Variants in RPSA2 observed in about 807,000 individuals in gnomAD.
RPSA2 encodes the protein ribosomal protein SA 2.
At chr19:23,775,548 G>A in the RPSA2 span, among the ~76,000 whole-genome samples, 1 of 152,148 alleles carries the variant, frequency 6.6e-6, no homozygotes, top group Non-Finnish European at 1.5e-5. Context: ...TCAGTGTAGA[G>A]TTTAGGTTTT....
the RPSA2 span, among the ~76,000 whole-genome samples, chr19:23,804,105 G>T: frequency 6.6e-6 from 1 of 152,132 alleles, no homozygotes; most frequent in South Asian, 2.1e-4. Context: ...TAGTACATGT[G>T]TACATGTTGT....
the RPSA2 span, among the ~76,000 whole-genome samples, chr19:23,795,454 T>A: frequency 1.3e-5 from 2 of 152,282 alleles, no homozygotes; most frequent in Admixed American, 1.3e-4. Flanking sequence ...TGGTATTGTG[T>A]TTATAATTTG....
At chr19:23,798,692 A>G in the RPSA2 span, among the ~76,000 whole-genome samples, 1 of 152,154 alleles carries the variant, frequency 6.6e-6, no homozygotes, top group African/African-American at 2.4e-5. Context: ...AAATTTTACT[A>G]CCACATTGTT....
At chr19:23,865,151 G>T in the RPSA2 span, among the ~76,000 whole-genome samples, 1 of 152,204 alleles carries the variant, frequency 6.6e-6, no homozygotes, top group African/African-American at 2.4e-5. Flanking sequence ...GGGACCCCAG[G>T]ACAAATATGC....
the RPSA2 span, among the ~76,000 whole-genome samples, chr19:23,824,673 A>G: frequency 4.4e-5 from 6 of 137,808 alleles, no homozygotes; most frequent in East Asian, 1.1e-3. Flanking sequence ...AACTAAGATT[A>G]CAGGCATGAG....
the RPSA2 span, among the ~76,000 whole-genome samples, chr19:23,864,614 C>T: frequency 2.0e-5 from 3 of 152,048 alleles, no homozygotes; most frequent in African/African-American, 7.2e-5. Flanking sequence ...CTAAAGTTGG[C>T]TTATATATAT....
chr19:23,823,062 A>G, the RPSA2 span, among the ~76,000 whole-genome samples: 1 of 152,238 alleles, frequency 6.6e-6, no homozygotes, highest in South Asian at 2.1e-4. Context: ...ACCACCTTAA[A>G]TACATAGCCA....
the RPSA2 span, among the ~76,000 whole-genome samples, chr19:23,778,677 T>C: frequency 6.6e-6 from 1 of 152,130 alleles, no homozygotes; most frequent in South Asian, 2.1e-4. Context: ...TTCTTCTGCA[T>C]GATCCCAGCC....
the RPSA2 span, among the ~76,000 whole-genome samples, chr19:23,775,604 A>G: frequency 6.6e-6 from 1 of 152,234 alleles, no homozygotes; most frequent in African/African-American, 2.4e-5. Context: ...TCATCTTTTC[A>G]CATGAACACA....
the RPSA2 span, among the ~76,000 whole-genome samples, chr19:23,850,979 T>C: frequency 6.6e-6 from 1 of 152,182 alleles, no homozygotes; most frequent in Non-Finnish European, 1.5e-5. Context: ...AAATTCCCCA[T>C]TGTTGCATAA....
At chr19:23,832,151 G>A in the RPSA2 span, 27 of 417,828 alleles carry the variant, frequency 6.5e-5, no homozygotes, top group South Asian at 4.6e-4. Flanking sequence ...TGTGAAGAAT[G>A]TGGCAAAGCA....
At chr19:23,791,398 C>T in the RPSA2 span, among the ~76,000 whole-genome samples, 15 of 152,110 alleles carry the variant, frequency 9.9e-5, no homozygotes, top group South Asian at 2.1e-4. Context: ...AGCTTGTTTC[C>T]GGCAATGTAG....
At chr19:23,802,756 A>G in the RPSA2 span, among the ~76,000 whole-genome samples, 3 of 152,186 alleles carry the variant, frequency 2.0e-5, no homozygotes, top group Admixed American at 6.5e-5. Context: ...CATGGTCCCT[A>G]CCATGCAAGA....
chr19:23,856,766 G>T, the RPSA2 span, among the ~76,000 whole-genome samples: 1 of 152,132 alleles, frequency 6.6e-6, no homozygotes, highest in African/African-American at 2.4e-5. Flanking sequence ...GTAGGACCAT[G>T]ATGCCCACCT....
At chr19:23,829,988 C>A in the RPSA2 span, among the ~76,000 whole-genome samples, 1 of 149,978 alleles carries the variant, frequency 6.7e-6, no homozygotes, top group African/African-American at 2.4e-5. Flanking sequence ...GTTGTTAGCA[C>A]CTTTTATATG....
At chr19:23,833,084 A>C in the RPSA2 span, 1 of 1,292,590 alleles carries the variant, frequency 7.7e-7, no homozygotes, top group Non-Finnish European at 1.0e-6. Context: ...AAATCTTTTA[A>C]CCTGTCTTCA....
At chr19:23,841,363 C>T in the RPSA2 span, among the ~76,000 whole-genome samples, 2 of 152,036 alleles carry the variant, frequency 1.3e-5, no homozygotes, top group Non-Finnish European at 2.9e-5. Flanking sequence ...ACTCGGGAGG[C>T]TAAGGCAGGA....
chr19:23,772,548 C>T, the RPSA2 span, among the ~76,000 whole-genome samples: 1 of 142,336 alleles, frequency 7.0e-6, no homozygotes, highest in Non-Finnish European at 1.5e-5. Context: ...TCCTTGGTCT[C>T]TCTTTTTATG....
the RPSA2 span, among the ~76,000 whole-genome samples, chr19:23,804,258 C>G: frequency 6.6e-6 from 1 of 150,774 alleles, no homozygotes; most frequent in African/African-American, 2.4e-5. Context: ...GACAAGACTG[C>G]TGAATATAAG....
Sources: allele counts gnomAD v4.1 joint callset (sites outside exome capture counted in the v4.1 genomes callset), GRCh38; gene constraint gnomAD v4.1.1; transcripts MANE v1.5; gene names NCBI Gene and HGNC (gene_info 2026-07-23, HGNC 2026-07-21).